CEP295: variants seen among roughly 807,000 people sequenced by gnomAD.
CEP295 encodes the protein centrosomal protein 295, also known as centrosomal protein of 295 kDa.
Under a neutral mutation model 291.6 loss-of-function variants are expected in CEP295, and 190 were observed. The ratio of observed to expected loss-of-function variants is 0.65; its 90% CI spans 0.58 to 0.73. The LOEUF (loss-of-function observed/expected upper bound fraction) is 0.73. CEP295 is among the 30% of genes least tolerant of loss of function. The pLI, the probability that CEP295 is intolerant of heterozygous loss-of-function variation, is 0.00. For missense variants in CEP295, 2,863 were observed against 2,949.4 expected (o/e 0.97, Z 0.68); for synonymous variants, 993 against 1,038.8 (o/e 0.96, Z 0.85).
In CEP295 at chr11:93,696,383, C is replaced by T. The variant is rs565321460; in HGVS notation, c.1735C>T (p.Arg579Cys). The T allele has an allele frequency of 4.5e-5, 70 of 1,549,662 alleles. 1 individual carries two copies. The South Asian group carries it at 5.8e-4, about 13-fold the overall frequency. ...TGAAGATAGTCATAGGCAGATGATTCGTAACTATCAACATCAGCTTTTACA... is the reference window on the plus strand; with the variant it reads ...TGAAGATAGTCATAGGCAGATGATTTGTAACTATCAACATCAGCTTTTACA... Reference protein sequence around the residue: ...SDEDSHRQMIRNYQHQLLQQN... With the variant: ...SDEDSHRQMICNYQHQLLQQN... Residue 579 changes from arginine (R) to cysteine (C), a missense_variant, in exon 14 of 30, where the codon CGT (arginine) becomes TGT (cysteine). Transcript: ENST00000325212.
chr11:93,729,573 A>G, intron 26 of CEP295, 41 bp from the exon 27 acceptor site: 2 of 1,549,946 alleles, frequency 1.3e-6, no homozygotes, highest in African/African-American at 1.4e-5. Flanking sequence ...GAAAGTAGAT[A>G]CTTTGCCTAT....
At chr11:93,670,638 T>C (rs1332147965) in intron 5 of CEP295, among the ~76,000 whole-genome samples, 5 of 152,162 alleles carry the variant, frequency 3.3e-5, no homozygotes, top group African/African-American at 1.2e-4. Flanking sequence ...TGCTTGTACG[T>C]TGAGCCATCT....
In CEP295 at chr11:93,675,493, A is replaced by C. The variant is rs921450792; in HGVS notation, c.529-78A>C. On this transcript the variant is annotated intron_variant, in intron 5 of 29. Coordinates refer to ENST00000325212, the MANE Select transcript of CEP295 (RefSeq NM_033395.2). ...TGCGGAGAACTCATTAAAATACAAAATTACTTTTTTTGCATTGGATTCAGC... is the reference window on the plus strand; with the variant it reads ...TGCGGAGAACTCATTAAAATACAAACTTACTTTTTTTGCATTGGATTCAGC... 9.9e-6 allele frequency: 7 copies of C among 706,996 alleles called. No individual in the cohort carries two copies. In the African/African-American group the frequency reaches 1.1e-4, roughly 11 times the overall value. The allele number at this position is 706,996 out of a possible 1,614,324, so 43.8% of individuals were successfully genotyped here.
intron 13 of CEP295, 118 bp downstream of exon 13, chr11:93,695,752 TGTAA>T: frequency 3.3e-6 from 4 of 1,214,252 alleles, no homozygotes; most frequent in Non-Finnish European, 3.3e-6. Context: ...GGCTCATGCC[TGTAA>T]TCTCAGCACT....
chr11:93,669,895 A>T, intron 5 of CEP295, 125 bp downstream of exon 5: 1 of 612,890 alleles, frequency 1.6e-6, no homozygotes, highest in East Asian at 2.8e-5. Context: ...AAAAACTTGT[A>T]CAGGAGTATA....
At position 93,727,100 on chromosome 11, in the gene CEP295, G is replaced by A. The variant is rs1316225234; in HGVS notation, c.6624G>A (p.Gln2208=). 2 of 1,551,584 alleles carry A rather than the reference G, an allele frequency of 1.3e-6. No individual in the cohort carries two copies. The highest frequency in any genetic ancestry group is 2.4e-5 in the East Asian group (1 of 40,896). Residue 2208 remains glutamine, a synonymous_variant, in exon 24 of 30, where the codon CAG becomes CAA. Transcript: ENST00000325212. ...ATTCTTCCCAAGGCATGAAAAATCA[G>A]AACTATCCCTCTGAAGAACATACTG... ...ARDSSQGMKN[Q]NYPSEEHTEI...
intron 7 of CEP295, among the ~76,000 whole-genome samples, chr11:93,681,218 A>G (rs1247296809): frequency 1.3e-5 from 2 of 148,458 alleles, no homozygotes; most frequent in African/African-American, 4.9e-5. Flanking sequence ...TAACCTCTCT[A>G]AGTTCTGTTT....
intron 21 of CEP295, chr11:93,723,969 A>T (rs115921011): frequency 0.03 from 5,182 of 173,446 alleles, 103 homozygotes; most frequent in East Asian, 0.058. Context: ...TTAAAAAAAA[A>T]TTTTTTAAAT....
intron 7 of CEP295, among the ~76,000 whole-genome samples, chr11:93,680,631 CAG>C (rs1218078670): frequency 3.3e-5 from 5 of 152,144 alleles, no homozygotes; most frequent in South Asian, 4.1e-4. Flanking sequence ...ACCCTGGTGA[CAG>C]AGTGAGATTC....
At chr11:93,712,376 C>T (rs1016273260) in intron 18 of CEP295, among the ~76,000 whole-genome samples, 5 of 152,168 alleles carry the variant, frequency 3.3e-5, no homozygotes, top group African/African-American at 1.2e-4. Context: ...GCTTCAGCCT[C>T]CCAAGTAGCT....
intron 17 of CEP295, among the ~76,000 whole-genome samples, chr11:93,704,410 C>G (rs1292762024): frequency 6.6e-6 from 1 of 152,062 alleles, no homozygotes; most frequent in African/African-American, 2.4e-5. Context: ...AGGATCGAGA[C>G]CAGCCTGGTG....
At chr11:93,717,929 T>C (rs2135279326) in intron 18 of CEP295, among the ~76,000 whole-genome samples, 1 of 152,304 alleles carries the variant, frequency 6.6e-6, no homozygotes, top group East Asian at 1.9e-4. Flanking sequence ...TATTCTGTTT[T>C]GAGACAGGGT....
Position 93,725,678 on chromosome 11 carries a change from T to A in CEP295, c.6346T>A (p.Cys2116Ser). The A allele has an allele frequency of 1.3e-6, 2 of 1,545,812 alleles. No homozygotes were observed. The highest frequency in any genetic ancestry group is 1.7e-6 in the Non-Finnish European group (2 of 1,145,714). The change falls in exon 23 of 30, where the codon TGT (cysteine) becomes AGT (serine). Residue 2116 changes from cysteine (C) to serine (S), a missense_variant. Physicochemically the swap from Cys to Ser is moderately radical, Grantham distance 112. Around this residue, in one of 3 missense-constraint regions of CEP295, gnomAD observed 2,295 missense variants for 2,335.7 expected, o/e 0.98. Transcript: ENST00000325212. The part of the protein sequence containing the change: ...QRSDSSSESH[C>S]ATGLSKSTVY... The stretch of plus-strand genomic sequence containing the variant: ...ATCAGATTCTTCATCTGAAAGCCAC[T>A]GTGCTACTGGATTATCCAAAAGTAC...
In CEP295 at chr11:93,729,711, A is replaced by G. The variant is rs1244446680; in HGVS notation, c.7497A>G (p.Lys2499=). ...SFMERSHQRQ[K]EIRNKIHVSE... is the part of the protein sequence containing the mutation. ...TGGAGAGATCCCACCAGAGGCAGAA[A>G]GAAATAAGGAATAAAATTCATGTCT... The change falls in exon 27 of 30, where the codon AAA becomes AAG. Residue 2499 remains lysine (K), a synonymous_variant. Coordinates refer to ENST00000325212, the MANE Select transcript of CEP295 (RefSeq NM_033395.2). The G allele has an allele frequency of 6.5e-7, 1 of 1,550,362 alleles. No individual in the cohort carries two copies. The highest frequency in any genetic ancestry group is 2.0e-5 in the Admixed American group (1 of 50,962).
chr11:93,727,337 A>T lies in CEP295; in HGVS notation c.6861A>T (p.Arg2287Ser). 6 of 1,551,514 alleles carry T rather than the reference A, an allele frequency of 3.9e-6. No individual in the cohort carries two copies. Among genetic ancestry groups the T allele is most frequent in the Non-Finnish European group, 5.2e-6 (6 of 1,146,920 alleles). ...ESMGFEELSK[R>S]GVVTMLQSQG... ...TGGGCTTTGAAGAACTATCAAAAAGAGGGGTTGTTACAATGTTACAAAGTC... is the reference window on the plus strand; with the variant it reads ...TGGGCTTTGAAGAACTATCAAAAAGTGGGGTTGTTACAATGTTACAAAGTC... Residue 2287 changes from arginine (R) to serine (S), a missense_variant, in exon 24 of 30, where the codon AGA becomes AGT. Arg to Ser is a moderately radical substitution (Grantham distance 110). Around this residue, in one of 3 missense-constraint regions of CEP295, gnomAD observed 2,295 missense variants for 2,335.7 expected, o/e 0.98. Transcript: ENST00000325212.
chr11:93,691,342 T>C (rs1951543597), intron 10 of CEP295, among the ~76,000 whole-genome samples: 1 of 152,242 alleles, frequency 6.6e-6, no homozygotes, highest in African/African-American at 2.4e-5. Flanking sequence ...TCCAAATATA[T>C]CAAAGATACA....
chr11:93,701,636 GCT>G (rs1314836485), intron 15 of CEP295, among the ~76,000 whole-genome samples: 2 of 152,068 alleles, frequency 1.3e-5, no homozygotes, highest in Admixed American at 6.6e-5. Context: ...ACGGAGTCTT[GCT>G]CTGTCACCAG....
intron 18 of CEP295, among the ~76,000 whole-genome samples, chr11:93,717,169 G>A (rs934998217): frequency 3.3e-5 from 5 of 151,950 alleles, no homozygotes; most frequent in East Asian, 1.9e-4. Context: ...TTAATTTCCC[G>A]CCTCAGTTGC....
chr11:93,699,445 G>GAAGAAAGCCA lies in CEP295; in HGVS notation c.4533_4534insAAGAAAGCCA (p.Leu1512LysfsTer28). 1 of 1,551,772 alleles carries GAAGAAAGCCA rather than the reference G, an allele frequency of 6.4e-7. No homozygotes were observed. The highest frequency in any genetic ancestry group is 8.7e-7 in the Non-Finnish European group (1 of 1,147,006). ...GTGATTTGCAGGCACTTCAACAGCA[G>GAAGAAAGCCA]TTAGATACACAGAAGAAAGCCATTC... On this transcript the variant is annotated frameshift_variant, in exon 15 of 30. Transcript: ENST00000325212. LOFTEE classifies it high-confidence loss of function.
Sources: allele counts gnomAD v4.1 joint callset (sites outside exome capture counted in the v4.1 genomes callset), GRCh38; gene constraint gnomAD v4.1.1; regional missense constraint gnomAD v4.1.1; transcripts MANE v1.5; gene names NCBI Gene and HGNC (gene_info 2026-07-23, HGNC 2026-07-21).